RIT2: variants seen among roughly 807,000 people sequenced by gnomAD.
RIT2 encodes GTP-binding protein Rit2.
Under a neutral mutation model 23.7 loss-of-function variants are expected in RIT2, and 24 were observed. That is an observed-to-expected ratio of 1.01 (90% CI 0.73 to 1.43). The LOEUF (loss-of-function observed/expected upper bound fraction) is 1.43. Ranked by LOEUF, RIT2 falls within the 40% of genes most tolerant of loss-of-function variation. The pLI, the probability that RIT2 is intolerant of heterozygous loss-of-function variation, is 0.00. For synonymous variants in RIT2, 107 were observed against 91.1 expected (o/e 1.17, Z -0.99); for missense variants, 236 against 266.9 (o/e 0.88, Z 0.81).
intron 4 of RIT2, among the ~76,000 whole-genome samples, chr18:42,797,365 A>G (rs1905397753): frequency 6.6e-6 from 1 of 152,118 alleles, no homozygotes; most frequent in Admixed American, 6.5e-5. Context: ...TGAAGAAATC[A>G]CACTTCCCTG....
At chr18:42,776,921 T>C (rs1432574801) in intron 4 of RIT2, among the ~76,000 whole-genome samples, 1 of 152,066 alleles carries the variant, frequency 6.6e-6, no homozygotes, top group Non-Finnish European at 1.5e-5. Flanking sequence ...CTTTAGAAAG[T>C]CTAGAGTAGA....
chr18:42,771,100 T>C lies in RIT2; in HGVS notation c.427-27380A>G, dbSNP rs1598647242. On this transcript the variant is annotated intron_variant, in intron 4 of 4. Coordinates refer to ENST00000326695, the MANE Select transcript of RIT2 (RefSeq NM_002930.4). ...CCCACTTTGCCTCTTTACTCTTGGC[T>C]CAAATTACATCAAACTACGTAATTT... 3.9e-5 allele frequency among the ~76,000 whole-genome samples: 6 copies of C among 152,308 alleles called. 2 individuals carry two copies. The highest frequency in any genetic ancestry group is 3.9e-4 in the Admixed American group (6 of 15,298).
At chr18:43,078,034 T>C (rs945899922) in intron 1 of RIT2, among the ~76,000 whole-genome samples, 24 of 152,204 alleles carry the variant, frequency 1.6e-4, no homozygotes, top group Admixed American at 1.2e-3. Context: ...AAAGACATTC[T>C]CTTTTGAAAG....
chr18:43,063,908 C>T (rs1459997744), intron 1 of RIT2, among the ~76,000 whole-genome samples: 1 of 152,102 alleles, frequency 6.6e-6, no homozygotes, highest in Admixed American at 6.5e-5. Flanking sequence ...ATCCAGATGA[C>T]AACTCCTCAT....
At chr18:43,050,956 C>G (rs905756387) in intron 1 of RIT2, among the ~76,000 whole-genome samples, 1 of 152,078 alleles carries the variant, frequency 6.6e-6, no homozygotes, top group South Asian at 2.1e-4. Flanking sequence ...AAGTGTCTCC[C>G]TGAGTTCTCT....
chr18:42,997,352 G>A (rs1911008528), intron 2 of RIT2, among the ~76,000 whole-genome samples: 2 of 151,316 alleles, frequency 1.3e-5, no homozygotes, highest in Non-Finnish European at 2.9e-5. Flanking sequence ...ATTTGGGGGG[G>A]AAGAAAAGCA....
intron 1 of RIT2, among the ~76,000 whole-genome samples, chr18:43,111,473 G>A (rs1913951523): frequency 6.6e-6 from 1 of 152,054 alleles, no homozygotes; most frequent in Admixed American, 6.5e-5. Flanking sequence ...ACAAATAAAT[G>A]ATGAATGTTT....
intron 4 of RIT2, among the ~76,000 whole-genome samples, chr18:42,905,998 A>G (rs1568026780): frequency 0.052 from 151 of 2,924 alleles, no homozygotes; most frequent in Middle Eastern, 0.27. Flanking sequence ...ATATGTATAT[A>G]TATATATACA....
At chr18:42,891,780 G>A (rs1266088711) in intron 4 of RIT2, among the ~76,000 whole-genome samples, 1 of 152,100 alleles carries the variant, frequency 6.6e-6, no homozygotes, top group African/African-American at 2.4e-5. Flanking sequence ...GTGAATTTAA[G>A]CAGTGAAACT....
intron 4 of RIT2, among the ~76,000 whole-genome samples, chr18:42,866,638 A>G (rs1907477733): frequency 6.8e-6 from 1 of 146,520 alleles, no homozygotes; most frequent in Non-Finnish European, 1.5e-5. Flanking sequence ...TTGTGCTGTC[A>G]GGAAAAAAAA....
intron 2 of RIT2, among the ~76,000 whole-genome samples, chr18:42,994,041 T>C (rs1030745589): frequency 2.6e-5 from 4 of 152,198 alleles, no homozygotes; most frequent in African/African-American, 9.6e-5. Flanking sequence ...CAAATTGTTT[T>C]GCCTATCCAC....
intron 1 of RIT2, among the ~76,000 whole-genome samples, chr18:43,057,107 A>G (rs993924310): frequency 5.3e-5 from 8 of 151,796 alleles, no homozygotes; most frequent in African/African-American, 1.7e-4. Flanking sequence ...CTGTTTGTAG[A>G]TATAGAATAT....
intron 4 of RIT2, among the ~76,000 whole-genome samples, chr18:42,864,904 T>G (rs886415089): frequency 6.6e-6 from 1 of 152,128 alleles, no homozygotes; most frequent in African/African-American, 2.4e-5. Context: ...TGTATGGAAA[T>G]GTATGCCTTG....
At chr18:42,901,926 T>C (rs184693657) in intron 4 of RIT2, among the ~76,000 whole-genome samples, 1 of 151,934 alleles carries the variant, frequency 6.6e-6, no homozygotes, top group African/African-American at 2.4e-5. Flanking sequence ...TTTCATATAC[T>C]TTAACCAAAA....
intron 1 of RIT2, among the ~76,000 whole-genome samples, chr18:43,093,658 A>G (rs1913477770): frequency 6.6e-6 from 1 of 151,950 alleles, no homozygotes. Context: ...TGAAATTTCC[A>G]AAGAGTCAGT....
At chr18:43,004,950 G>A (rs1463342974) in intron 2 of RIT2, among the ~76,000 whole-genome samples, 2 of 151,838 alleles carry the variant, frequency 1.3e-5, no homozygotes, top group Non-Finnish European at 2.9e-5. Context: ...CAAAGAAAGA[G>A]GTGAGAGAGG....
chr18:42,826,780 C>T (rs1014038824), intron 4 of RIT2, among the ~76,000 whole-genome samples: 5 of 151,848 alleles, frequency 3.3e-5, no homozygotes, highest in Admixed American at 2.6e-4. Flanking sequence ...GCCAAATACA[C>T]GGTGAATTTT....
At chr18:43,053,420 A>C (rs1256537466) in intron 1 of RIT2, among the ~76,000 whole-genome samples, 1 of 152,062 alleles carries the variant, frequency 6.6e-6, no homozygotes, top group Non-Finnish European at 1.5e-5. Context: ...ATGGAAAGCT[A>C]TCATAACCCC....
intron 4 of RIT2, among the ~76,000 whole-genome samples, chr18:42,799,371 A>G (rs924516746): frequency 6.6e-6 from 1 of 152,210 alleles, no homozygotes; most frequent in Admixed American, 6.5e-5. Flanking sequence ...CTCATAAATA[A>G]TCATCTTTCA....
Sources: gnomAD v4.1 joint callset for allele counts (sites outside exome capture counted in the v4.1 genomes callset) on GRCh38, gnomAD v4.1.1 for gene constraint, MANE v1.5 for transcripts, NCBI Gene and HGNC (gene_info 2026-07-23, HGNC 2026-07-21) for gene names.